AGBL4: variants seen among roughly 807,000 people sequenced by gnomAD.
AGBL4 encodes cytosolic carboxypeptidase 6.
A neutral mutation model predicts 66.4 loss-of-function variants in AGBL4; 58 were observed. The observed-to-expected ratio is 0.87, with a 90% CI of 0.71 to 1.09. The LOEUF is 1.09. Among genes scored for constraint, AGBL4 ranks in the 50% least tolerant of loss-of-function variants. The probability of loss-of-function intolerance (pLI) is 0.00; values close to 1 mark genes in which losing one functional copy is unlikely to be tolerated. For synonymous variants in AGBL4, 234 were observed against 222.9 expected (o/e 1.05, Z -0.44); for missense variants, 579 against 631.0 (o/e 0.92, Z 0.88).
At chr1:49,138,250 C>A (rs1338939316) in intron 4 of AGBL4, among the ~76,000 whole-genome samples, 2 of 152,016 alleles carry the variant, frequency 1.3e-5, no homozygotes, top group African/African-American at 2.4e-5. Context: ...CAAACAGAGC[C>A]TTTAAGGAGA....
At chr1:49,694,717 T>C (rs1442857972) in intron 3 of AGBL4, among the ~76,000 whole-genome samples, 1 of 152,148 alleles carries the variant, frequency 6.6e-6, no homozygotes, top group African/African-American at 2.4e-5. Flanking sequence ...ATGTAATAAG[T>C]AAGTTATAAC....
chr1:49,532,428 T>C (rs1039411084), intron 3 of AGBL4, among the ~76,000 whole-genome samples: 2 of 152,230 alleles, frequency 1.3e-5, no homozygotes, highest in East Asian at 1.9e-4. Flanking sequence ...AGTTAAAACA[T>C]TGAATTTCAT....
At chr1:49,565,686 T>C (rs1225959063) in intron 3 of AGBL4, among the ~76,000 whole-genome samples, 2 of 152,226 alleles carry the variant, frequency 1.3e-5, no homozygotes, top group African/African-American at 2.4e-5. Context: ...GTTAGTCTGA[T>C]GGGCTTCCCT....
At chr1:49,234,360 T>A (rs1650553007) in intron 4 of AGBL4, among the ~76,000 whole-genome samples, 1 of 152,150 alleles carries the variant, frequency 6.6e-6, no homozygotes, top group African/African-American at 2.4e-5. Flanking sequence ...ATAGTTCAAA[T>A]GATGAAACTT....
At chr1:49,123,717 G>A (rs1569694610) in intron 4 of AGBL4, among the ~76,000 whole-genome samples, 2 of 152,078 alleles carry the variant, frequency 1.3e-5, no homozygotes, top group South Asian at 4.1e-4. Flanking sequence ...CTCTCCTTGG[G>A]TCTCAGTGTC....
At chr1:49,866,382 A>G (rs1410936519) in intron 1 of AGBL4, among the ~76,000 whole-genome samples, 1 of 152,180 alleles carries the variant, frequency 6.6e-6, no homozygotes, top group Non-Finnish European at 1.5e-5. Context: ...GCCTAAAAAA[A>G]GGGAAGCCCA....
chr1:48,845,660 C>T (rs75210220), intron 6 of AGBL4, among the ~76,000 whole-genome samples: 2,415 of 152,290 alleles, frequency 0.016, 27 homozygotes, highest in Middle Eastern at 0.062. Context: ...CCTCCTGTAA[C>T]AACCTTTTGA....
At chr1:49,362,558 G>GT (rs1305495771) in intron 3 of AGBL4, among the ~76,000 whole-genome samples, 1 of 151,516 alleles carries the variant, frequency 6.6e-6, no homozygotes, top group African/African-American at 2.4e-5. Context: ...AGCCGAGGGA[G>GT]TAAGAAACCA....
At chr1:49,033,799 G>T (rs1373302403) in intron 5 of AGBL4, among the ~76,000 whole-genome samples, 1 of 150,714 alleles carries the variant, frequency 6.6e-6, no homozygotes, top group African/African-American at 2.4e-5. Context: ...CTGGTTTCAT[G>T]ATTCAGCTTC....
intron 1 of AGBL4, among the ~76,000 whole-genome samples, chr1:49,931,546 T>C (rs916921291): frequency 2.6e-5 from 4 of 152,068 alleles, no homozygotes; most frequent in South Asian, 2.1e-4. Flanking sequence ...GAGAACTTAC[T>C]ATCATGAGAA....
intron 4 of AGBL4, among the ~76,000 whole-genome samples, chr1:49,202,516 C>A (rs1647787734): frequency 6.6e-6 from 1 of 151,990 alleles, no homozygotes; most frequent in Non-Finnish European, 1.5e-5. Flanking sequence ...CAAGTCTGCA[C>A]AGTGGGGAAA....
the AGBL4 span, among the ~76,000 whole-genome samples, chr1:48,527,609 T>C: frequency 1.4e-5 from 2 of 148,060 alleles, no homozygotes; most frequent in East Asian, 2.0e-4. Flanking sequence ...AAAAAAAAAA[T>C]TGATAAACAG....
chr1:48,957,704 C>A lies in AGBL4; in HGVS notation c.594+87880G>T, dbSNP rs937293269. Among the ~76,000 whole-genome samples the A allele has an allele frequency of 2.6e-4, 39 of 152,190 alleles. 2 individuals carry two copies. The highest frequency in any genetic ancestry group is 1.4e-3 in the Admixed American group (22 of 15,276). On this transcript the variant is annotated intron_variant, in intron 5 of 13. Coordinates refer to ENST00000371839, the MANE Select transcript of AGBL4 (RefSeq NM_032785.4). The stretch of plus-strand genomic sequence containing the variant: ...CAATGTACTTAAAATACCAAGAGTA[C>A]TTCCTATGTTCTGAATTAGCTCTGG...
At chr1:49,265,069 T>A (rs1653588530) in intron 3 of AGBL4, among the ~76,000 whole-genome samples, 1 of 152,164 alleles carries the variant, frequency 6.6e-6, no homozygotes, top group African/African-American at 2.4e-5. Context: ...TATTTTCATG[T>A]TTTTCCTTCT....
intron 9 of AGBL4, among the ~76,000 whole-genome samples, chr1:48,627,451 T>C (rs1003736042): frequency 6.6e-6 from 1 of 152,106 alleles, no homozygotes; most frequent in Admixed American, 6.6e-5. Context: ...TTGGTGTGAA[T>C]GAGTGCTGGT....
At chr1:49,711,651 T>A (rs923726838) in intron 2 of AGBL4, among the ~76,000 whole-genome samples, 6 of 152,064 alleles carry the variant, frequency 3.9e-5, no homozygotes, top group Admixed American at 2.0e-4. Context: ...GGCGACAGTT[T>A]CCTAAGTGTA....
rs569948038 is a variant in AGBL4, at chr1:49,323,654, C to T, written c.283-77790G>A. Among the ~76,000 whole-genome samples the T allele has an allele frequency of 2.3e-4, 34 of 150,948 alleles. No individual in the cohort carries two copies. The East Asian group carries it at 3.6e-3, about 16-fold the overall frequency. On this transcript the variant is annotated intron_variant, in intron 3 of 13. Transcript: ENST00000371839. ...AAATGGCCAGCCCCTAAGGTGGTGG[C>T]GGGTGCCGGTAGACTGAGGCAGGAG...
intron 4 of AGBL4, among the ~76,000 whole-genome samples, chr1:49,186,604 G>C (rs1473671365): frequency 6.6e-6 from 1 of 152,184 alleles, no homozygotes; most frequent in Non-Finnish European, 1.5e-5. Flanking sequence ...TTACAAGAGA[G>C]TGTGTACACA....
intron 5 of AGBL4, among the ~76,000 whole-genome samples, chr1:48,921,327 G>C (rs1260147197): frequency 1.3e-5 from 2 of 152,216 alleles, no homozygotes; most frequent in African/African-American, 4.8e-5. Flanking sequence ...GCCTGTGCTG[G>C]ACACTGGAGA....
Sources: gnomAD v4.1 joint callset for allele counts (sites outside exome capture counted in the v4.1 genomes callset) on GRCh38, gnomAD v4.1.1 for gene constraint, MANE v1.5 for transcripts, NCBI Gene and HGNC (gene_info 2026-07-23, HGNC 2026-07-21) for gene names.